Variants in EBF1 observed in about 807,000 individuals in gnomAD.
EBF1 encodes transcription factor COE1.
EBF1 carries 10 observed loss-of-function variants against 68.4 expected under a neutral mutation model. The observed-to-expected ratio is 0.15, with a 90% CI of 0.09 to 0.25. The LOEUF is 0.25. Among genes scored for constraint, EBF1 ranks in the 10% least tolerant of loss-of-function variants. The pLI is 1.00. For synonymous variants in EBF1, 298 were observed against 299.8 expected (o/e 0.99, Z 0.06); for missense variants, 509 against 794.4 (o/e 0.64, Z 4.32).
chr5:158,860,996 T>C (rs1285063340), intron 6 of EBF1, among the ~76,000 whole-genome samples: 1 of 152,186 alleles, frequency 6.6e-6, no homozygotes, highest in African/African-American at 2.4e-5. Context: ...TTAGCCTCCC[T>C]AAATCCTCAA....
At chr5:158,818,160 G>T (rs1409555185) in intron 8 of EBF1, among the ~76,000 whole-genome samples, 1 of 152,170 alleles carries the variant, frequency 6.6e-6, no homozygotes, top group Admixed American at 6.5e-5. Flanking sequence ...CAGCCAGAGA[G>T]CCTGATCCTC....
At chr5:158,870,345 C>T (rs1796669897) in intron 6 of EBF1, among the ~76,000 whole-genome samples, 1 of 152,176 alleles carries the variant, frequency 6.6e-6, no homozygotes, top group Non-Finnish European at 1.5e-5. Context: ...CTGCTATAGA[C>T]TGTGGATGAC....
intron 8 of EBF1, among the ~76,000 whole-genome samples, chr5:158,802,022 T>A (rs1780688685): frequency 1.3e-5 from 2 of 152,144 alleles, no homozygotes; most frequent in Admixed American, 6.6e-5. Flanking sequence ...AGGAGAGCCA[T>A]GTTTACCTCG....
intron 10 of EBF1, among the ~76,000 whole-genome samples, chr5:158,776,662 G>A (rs1775334582): frequency 6.6e-6 from 1 of 152,300 alleles, no homozygotes; most frequent in East Asian, 1.9e-4. Flanking sequence ...TCTTTGAGCA[G>A]CAGCATCAGC....
intron 6 of EBF1, among the ~76,000 whole-genome samples, chr5:158,989,946 T>C (rs1218155254): frequency 2.6e-5 from 4 of 151,816 alleles, no homozygotes; most frequent in African/African-American, 9.7e-5. Flanking sequence ...GAATAAAACA[T>C]GGAAAAGACA....
chr5:158,742,695 TG>T (rs1393718054), intron 10 of EBF1, among the ~76,000 whole-genome samples: 2 of 152,212 alleles, frequency 1.3e-5, no homozygotes, highest in Non-Finnish European at 2.9e-5. Context: ...CACTTGTCCT[TG>T]GGACTCAACC....
chr5:158,797,150 G>A (rs114818937), intron 8 of EBF1, among the ~76,000 whole-genome samples: 2,346 of 152,130 alleles, frequency 0.015, 56 homozygotes, highest in African/African-American at 0.054. Flanking sequence ...TCTTTCCCAG[G>A]CATAAAACCC....
intron 10 of EBF1, among the ~76,000 whole-genome samples, chr5:158,744,599 C>T (rs891872142): frequency 6.6e-6 from 1 of 152,188 alleles, no homozygotes; most frequent in African/African-American, 2.4e-5. Flanking sequence ...TTTCTTCAGT[C>T]TCACTCTATA....
chr5:158,877,467 GT>G (rs1205039006), intron 6 of EBF1, among the ~76,000 whole-genome samples: 1 of 152,132 alleles, frequency 6.6e-6, no homozygotes. Flanking sequence ...AACACCATGA[GT>G]TTGATTTTCT....
intron 14 of EBF1, among the ~76,000 whole-genome samples, chr5:158,710,370 A>G (rs1390663370): frequency 6.6e-6 from 1 of 152,216 alleles, no homozygotes; most frequent in Non-Finnish European, 1.5e-5. Context: ...AATTGCTACC[A>G]TATAGCAATT....
At chr5:158,980,468 T>G (rs1757675578) in intron 6 of EBF1, among the ~76,000 whole-genome samples, 1 of 152,136 alleles carries the variant, frequency 6.6e-6, no homozygotes, top group Non-Finnish European at 1.5e-5. Context: ...AAGACTCCTC[T>G]CTCTGTCTCC....
intron 6 of EBF1, among the ~76,000 whole-genome samples, chr5:158,881,375 C>T (rs775901802): frequency 2.6e-5 from 4 of 152,334 alleles, no homozygotes; most frequent in South Asian, 2.1e-4. Context: ...CAAAATCACC[C>T]GTGATTCTGG....
In EBF1 at chr5:158,697,018, C is replaced by T. The variant is rs150392739; in HGVS notation, c.*2093G>A. ...ATATGATTTGCATTGTTAAGGCATC[C>T]AATCTGCTGGTTTATATTTATGTGA... is the stretch of plus-strand genomic sequence containing the variant. On this transcript the variant is annotated 3_prime_UTR_variant, in exon 16 of 16. Coordinates refer to ENST00000313708, the MANE Select transcript of EBF1 (RefSeq NM_024007.5). 81 of 189,962 alleles carry T rather than the reference C, an allele frequency of 4.3e-4. No individual in the cohort carries two copies. Among genetic ancestry groups the T allele is most frequent in the African/African-American group, 1.8e-3 (78 of 42,882 alleles). 11.8% of individuals were successfully genotyped at this position (189,962 alleles called of 1,614,324 possible). A position where few individuals can be genotyped will look rare whatever the true frequency, so the allele number is the denominator to read the frequency against.
chr5:159,049,744 C>T (rs1773159488), intron 6 of EBF1, among the ~76,000 whole-genome samples: 1 of 152,136 alleles, frequency 6.6e-6, no homozygotes, highest in Admixed American at 6.5e-5. Flanking sequence ...ACGTTAGAAT[C>T]AAATAGAAAT....
At chr5:158,843,719 G>A (rs1378486851) in intron 6 of EBF1, among the ~76,000 whole-genome samples, 2 of 152,156 alleles carry the variant, frequency 1.3e-5, no homozygotes, top group Non-Finnish European at 2.9e-5. Context: ...TTCTTTCAAA[G>A]TTTTCCCCTA....
intron 4 of EBF1, among the ~76,000 whole-genome samples, chr5:159,094,304 G>A (rs1404159829): frequency 2.6e-5 from 4 of 151,238 alleles, no homozygotes; most frequent in African/African-American, 7.3e-5. Flanking sequence ...GCAATCAACT[G>A]AGAAATAAAC....
chr5:159,076,185 C>T (rs1265745098), intron 5 of EBF1, among the ~76,000 whole-genome samples: 1 of 152,176 alleles, frequency 6.6e-6, no homozygotes, highest in Non-Finnish European at 1.5e-5. Context: ...ATCAATTTTA[C>T]TTACCTAATG....
chr5:158,923,481 C>T (rs1311633291), intron 6 of EBF1, among the ~76,000 whole-genome samples: 1 of 152,142 alleles, frequency 6.6e-6, no homozygotes, highest in Admixed American at 6.5e-5. Flanking sequence ...GAGGGTGGGT[C>T]TCAGATCGCT....
intron 6 of EBF1, among the ~76,000 whole-genome samples, chr5:159,041,559 T>G (rs1412478647): frequency 3.3e-5 from 5 of 152,226 alleles, no homozygotes; most frequent in African/African-American, 1.2e-4. Flanking sequence ...CCAGGAATAA[T>G]GCAAATTACA....
Sources: allele counts gnomAD v4.1 joint callset (sites outside exome capture counted in the v4.1 genomes callset), GRCh38; gene constraint gnomAD v4.1.1; transcripts MANE v1.5; gene names NCBI Gene and HGNC (gene_info 2026-07-23, HGNC 2026-07-21).